Variants in XKR4 observed in about 807,000 individuals in gnomAD.
XKR4 encodes XK-related protein 4.
XKR4 carries 12 observed loss-of-function variants against 53.9 expected under a neutral mutation model. That is an observed-to-expected ratio of 0.22 (90% confidence interval 0.14 to 0.36). The LOEUF (loss-of-function observed/expected upper bound fraction) is 0.36. Among genes scored for constraint, XKR4 ranks in the 10% least tolerant of loss-of-function variants. The pLI, the probability that XKR4 is intolerant of heterozygous loss-of-function variation, is 1.00. For synonymous variants in XKR4, 354 were observed against 362.4 expected (o/e 0.98, Z 0.26); for missense variants, 799 against 859.5 (o/e 0.93, Z 0.88).
At chr8:55,113,339 G>A (rs917307790) in intron 1 of XKR4, among the ~76,000 whole-genome samples, 41 of 152,252 alleles carry the variant, frequency 2.7e-4, no homozygotes, top group African/African-American at 9.9e-4. Context: ...ATTTAGCCCT[G>A]AGAGAAATGA....
intron 1 of XKR4, among the ~76,000 whole-genome samples, chr8:55,219,943 T>A (rs573870248): frequency 1.3e-5 from 2 of 152,280 alleles, no homozygotes; most frequent in African/African-American, 4.8e-5. Flanking sequence ...GGCAATGGAT[T>A]TTTTATGGGC....
At chr8:55,109,312 T>A (rs1816200501) in intron 1 of XKR4, among the ~76,000 whole-genome samples, 1 of 152,204 alleles carries the variant, frequency 6.6e-6, no homozygotes, top group Admixed American at 6.5e-5. Context: ...ATCTCCATCA[T>A]AACATGCTGC....
intron 1 of XKR4, among the ~76,000 whole-genome samples, chr8:55,141,645 T>TTCTCTCTCTCTCTCTCTCTCTC (rs138063196): frequency 0.014 from 1,553 of 111,892 alleles, 26 homozygotes; most frequent in Middle Eastern, 0.035. Flanking sequence ...GTGCTTCTGC[T>TTCTCTCTCTCTCTCTCTCTCTC]TCTCTCTCTC....
At chr8:55,170,552 C>G (rs1817143518) in intron 1 of XKR4, among the ~76,000 whole-genome samples, 1 of 152,170 alleles carries the variant, frequency 6.6e-6, no homozygotes, top group Non-Finnish European at 1.5e-5. Context: ...TGTCTGAGAA[C>G]TGACCTACAG....
chr8:55,342,751 A>C (rs1333345051), intron 1 of XKR4, among the ~76,000 whole-genome samples: 1 of 152,132 alleles, frequency 6.6e-6, no homozygotes, highest in African/African-American at 2.4e-5. Context: ...TTTCCCTGCC[A>C]CACATCTGAA....
chr8:55,219,263 G>A (rs528182237), intron 1 of XKR4, among the ~76,000 whole-genome samples: 49 of 152,272 alleles, frequency 3.2e-4, no homozygotes, highest in African/African-American at 1.0e-3. Context: ...TCATGGACCT[G>A]CGATGGATCT....
rs575244953 is a variant in XKR4 at position 55,445,120 on chromosome 8, C to T, written c.1007-78161C>T. On this transcript the variant is annotated intron_variant, in intron 2 of 2. Transcript: ENST00000327381. ...TCGCCCAGGCTGGAGTGCAGTGGTG[C>T]GATCTCGGCTCACTGCAAGCTCCGC... is the stretch of plus-strand genomic sequence containing the variant. 2.2e-4 allele frequency among the ~76,000 whole-genome samples: 33 copies of T among 152,222 alleles called. 1 individual carries two copies. The highest frequency in any genetic ancestry group is 1.1e-3 in the Admixed American group (17 of 15,294).
At chr8:55,301,448 A>G (rs977653129) in intron 1 of XKR4, among the ~76,000 whole-genome samples, 1 of 152,006 alleles carries the variant, frequency 6.6e-6, no homozygotes, top group African/African-American at 2.4e-5. Context: ...TAGTGCCGCA[A>G]TAAACATACA....
At chr8:55,268,694 C>G (rs932960437) in intron 1 of XKR4, among the ~76,000 whole-genome samples, 2 of 152,038 alleles carry the variant, frequency 1.3e-5, no homozygotes, top group African/African-American at 2.4e-5. Flanking sequence ...TAAAATGAAC[C>G]TAGCTTTGAG....
chr8:55,412,559 A>C (rs1477457295), intron 2 of XKR4, among the ~76,000 whole-genome samples: 1 of 152,178 alleles, frequency 6.6e-6, no homozygotes, highest in Non-Finnish European at 1.5e-5. Context: ...CCCTTCCTTC[A>C]GTCTTACCAG....
chr8:55,117,536 G>T (rs1360959579), intron 1 of XKR4, among the ~76,000 whole-genome samples: 1 of 152,158 alleles, frequency 6.6e-6, no homozygotes, highest in East Asian at 1.9e-4. Flanking sequence ...ATTGTAGCTT[G>T]CCATGCACAT....
Position 55,477,395 on chromosome 8 carries a change from A to C in XKR4, c.1007-45886A>C, listed in dbSNP as rs145167653. Among the ~76,000 whole-genome samples, 909 of 152,218 alleles carry C rather than the reference A, an allele frequency of 6.0e-3. 15 individuals carry two copies. Among genetic ancestry groups the C allele is most frequent in the African/African-American group, 0.02 (848 of 41,488 alleles). ...AAACAGAAAGTACATCCACACCAAA[A>C]ACCCTTCTGTACGTCAACATCAACA... On this transcript the variant is annotated intron_variant, in intron 2 of 2. Transcript: ENST00000327381.
chr8:55,412,388 G>A (rs1804789391), intron 2 of XKR4, among the ~76,000 whole-genome samples: 1 of 152,072 alleles, frequency 6.6e-6, no homozygotes, highest in African/African-American at 2.4e-5. Context: ...TAAATAAAGG[G>A]GAAAATATGG....
At chr8:55,489,717 A>G (rs1008182046) in intron 2 of XKR4, among the ~76,000 whole-genome samples, 3 of 152,164 alleles carry the variant, frequency 2.0e-5, no homozygotes, top group African/African-American at 7.2e-5. Context: ...CAAATTCTAC[A>G]TAATTCCTAG....
At chr8:55,187,323 A>AAAAG (rs1554567491) in intron 1 of XKR4, among the ~76,000 whole-genome samples, 5 of 151,548 alleles carry the variant, frequency 3.3e-5, no homozygotes, top group Admixed American at 2.6e-4. Flanking sequence ...AAAAAAAAAA[A>AAAAG]AAGAAGAAGA....
At chr8:55,256,171 CAT>C (rs1238590311) in intron 1 of XKR4, among the ~76,000 whole-genome samples, 1 of 151,938 alleles carries the variant, frequency 6.6e-6, no homozygotes, top group Admixed American at 6.6e-5. Flanking sequence ...GTGGAGACTT[CAT>C]AGAGTCTTAT....
At chr8:55,115,644 A>G (rs984165942) in intron 1 of XKR4, among the ~76,000 whole-genome samples, 2 of 151,260 alleles carry the variant, frequency 1.3e-5, no homozygotes, top group African/African-American at 2.5e-5. Flanking sequence ...TTAGCTGGGC[A>G]TGGTGGTACG....
chr8:55,136,772 T>G (rs1175904492), intron 1 of XKR4, among the ~76,000 whole-genome samples: 2 of 152,256 alleles, frequency 1.3e-5, no homozygotes, highest in Non-Finnish European at 2.9e-5. Flanking sequence ...TGAGAAAGTC[T>G]GTTAAATCAT....
At chr8:55,437,954 CAAA>C (rs201207328) in intron 2 of XKR4, among the ~76,000 whole-genome samples, 25 of 127,654 alleles carry the variant, frequency 2.0e-4, no homozygotes, top group Non-Finnish European at 4.0e-4. Context: ...AACAAACAAA[CAAA>C]AAAAAAAAAG....
Sources: allele counts gnomAD v4.1 joint callset (sites outside exome capture counted in the v4.1 genomes callset), GRCh38; gene constraint gnomAD v4.1.1; transcripts MANE v1.5; gene names NCBI Gene and HGNC (gene_info 2026-07-23, HGNC 2026-07-21).